Variants in SLC25A17 observed in about 807,000 individuals in gnomAD.
The protein encoded by SLC25A17 is peroxisomal membrane protein PMP34.
Under a neutral mutation model 38.5 loss-of-function variants are expected in SLC25A17, and 26 were observed. The observed-to-expected ratio is 0.68, with a 90% CI of 0.50 to 0.94. The LOEUF (loss-of-function observed/expected upper bound fraction) is 0.94. SLC25A17 is among the 40% of genes least tolerant of loss of function. SLC25A17 has a pLI of 0.00. For synonymous variants in SLC25A17, 139 were observed against 136.2 expected (o/e 1.02, Z -0.14); for missense variants, 333 against 372.7 (o/e 0.89, Z 0.88).
At chr22:40,788,995 T>C (rs1171786153) in intron 4 of SLC25A17, 2 of 325,678 alleles carry the variant, frequency 6.1e-6, no homozygotes, top group African/African-American at 4.5e-5. Flanking sequence ...TTTGAAGGTA[T>C]GCATGGTATG....
intron 4 of SLC25A17, among the ~76,000 whole-genome samples, chr22:40,783,949 C>T (rs2057315401): frequency 6.6e-6 from 1 of 152,176 alleles, no homozygotes; most frequent in Non-Finnish European, 1.5e-5. Flanking sequence ...CGGTAATCCA[C>T]CTGCCTCGGC....
At chr22:40,817,359 C>T (rs8137318) in intron 1 of SLC25A17, 8,700 of 152,410 alleles carry the variant, frequency 0.057, 313 homozygotes, top group Non-Finnish European at 0.089. Context: ...CTTATTTTCT[C>T]GGCCTCTTAA....
intron 1 of SLC25A17, among the ~76,000 whole-genome samples, chr22:40,801,420 T>C (rs2057483212): frequency 6.6e-6 from 1 of 152,012 alleles, no homozygotes; most frequent in South Asian, 2.1e-4. Flanking sequence ...TTCTGCTAAT[T>C]TGTGAGAGCA....
intron 4 of SLC25A17, among the ~76,000 whole-genome samples, chr22:40,790,657 A>G (rs2057377852): frequency 1.3e-5 from 2 of 152,212 alleles, no homozygotes; most frequent in African/African-American, 4.8e-5. Context: ...GGGGTGGTAT[A>G]TATCTGGTGG....
chr22:40,816,107 T>C (rs1177801450), intron 1 of SLC25A17, among the ~76,000 whole-genome samples: 1 of 151,482 alleles, frequency 6.6e-6, no homozygotes, highest in Non-Finnish European at 1.5e-5. Flanking sequence ...GAGAATCGCT[T>C]GAACCCAGGA....
chr22:40,775,852 T>A (rs186129411), intron 7 of SLC25A17, among the ~76,000 whole-genome samples: 1 of 152,206 alleles, frequency 6.6e-6, no homozygotes, highest in Non-Finnish European at 1.5e-5. Flanking sequence ...CCTTCCACCA[T>A]GATTGTAAGT....
chr22:40,793,065 A>G (rs1279873550), intron 3 of SLC25A17, among the ~76,000 whole-genome samples: 1 of 152,144 alleles, frequency 6.6e-6, no homozygotes, highest in African/African-American at 2.4e-5. Context: ...AAAAAAAAAA[A>G]GATGGGGGAA....
intron 1 of SLC25A17, among the ~76,000 whole-genome samples, chr22:40,815,020 C>T (rs982283663): frequency 6.6e-6 from 1 of 151,774 alleles, no homozygotes; most frequent in Non-Finnish European, 1.5e-5. Flanking sequence ...GGGGTTTCAC[C>T]GTGTTAGTCA....
chr22:40,790,515 T>C (rs1455935318), intron 4 of SLC25A17, among the ~76,000 whole-genome samples: 1 of 148,598 alleles, frequency 6.7e-6, no homozygotes, highest in African/African-American at 2.5e-5. Context: ...TTTAGACAAG[T>C]GGAAAAAAGT....
chr22:40,770,861 CA>C lies in SLC25A17; in HGVS notation c.896del (p.Met299ArgfsTer3), dbSNP rs746592520. The stretch of plus-strand genomic sequence containing the variant: ...AGTGTTGGTGTGCACGCTTCAGCCC[CA>C]TAACTGTGAAGGTGGCAGCTGTCAG... ...EKLTAATFTV[M>X]GLKRAHQH On this transcript the variant is annotated frameshift_variant, in exon 9 of 9. Transcript: ENST00000435456. LOFTEE classifies it high-confidence loss of function. 9.3e-6 allele frequency: 15 copies of C among 1,613,260 alleles called. No individual in the cohort carries two copies. Among genetic ancestry groups the C allele is most frequent in the Non-Finnish European group, 1.3e-5 (15 of 1,179,416 alleles).
chr22:40,818,766 T>C (rs1484954214), intron 1 of SLC25A17, among the ~76,000 whole-genome samples: 1 of 149,804 alleles, frequency 6.7e-6, no homozygotes, highest in African/African-American at 2.5e-5. Context: ...CCCAGAGCTA[T>C]CCTACTAGGT....
At chr22:40,797,145 T>C in intron 2 of SLC25A17, 1 of 424,460 alleles carries the variant, frequency 2.4e-6, no homozygotes, top group Admixed American at 2.8e-5. Flanking sequence ...GAGTGAGCAT[T>C]TTCACTGCAC....
At chr22:40,774,058 GT>G in intron 7 of SLC25A17, 39 bp from the exon 8 acceptor site, 1 of 1,332,488 alleles carries the variant, frequency 7.5e-7, no homozygotes, top group South Asian at 1.2e-5. Context: ...TACTGTTGCT[GT>G]TTTTTAAAAT....
rs556335773 is a variant in SLC25A17 at position 40,789,025 on chromosome 22, G to A, written c.334+3500C>T. 8.0e-4 allele frequency: 242 copies of A among 302,060 alleles called. No homozygotes were observed. The highest frequency in any genetic ancestry group is 4.8e-3 in the African/African-American group (212 of 44,210). 18.7% of individuals were successfully genotyped at this position (302,060 alleles called of 1,614,324 possible). ...GGTATGTGTTTCCATGGACTTCTTC[G>A]TATTCTCATAGTATGGGTTCCATCC... On this transcript the variant is annotated intron_variant, in intron 4 of 8. Coordinates refer to ENST00000435456, the MANE Select transcript of SLC25A17 (RefSeq NM_006358.4). The surrounding 1 kb of genome is among the most constrained non-coding windows in gnomAD (Gnocchi z 4.5).
chr22:40,793,409 G>A (rs2057400552), intron 3 of SLC25A17, among the ~76,000 whole-genome samples: 1 of 152,066 alleles, frequency 6.6e-6, no homozygotes, highest in Non-Finnish European at 1.5e-5. Context: ...AGTTGCAAGG[G>A]AAGAAAAAAG....
At chr22:40,814,793 T>TATATATA (rs1568991030) in intron 1 of SLC25A17, among the ~76,000 whole-genome samples, 7 of 134,432 alleles carry the variant, frequency 5.2e-5, no homozygotes, top group African/African-American at 2.0e-4. Context: ...ATATATATTG[T>TATATATA]TGTTGTTGTT....
At chr22:40,790,190 A>G (rs553408309) in intron 4 of SLC25A17, among the ~76,000 whole-genome samples, 9 of 151,708 alleles carry the variant, frequency 5.9e-5, no homozygotes, top group Non-Finnish European at 1.3e-4. Context: ...AAATATAAAA[A>G]ATTAGCTGGG....
chr22:40,787,435 TC>T (rs2057348343), intron 4 of SLC25A17, among the ~76,000 whole-genome samples: 1 of 152,168 alleles, frequency 6.6e-6, no homozygotes, highest in African/African-American at 2.4e-5. Context: ...AGCACAGGCA[TC>T]CTAGCGAGTA....
intron 1 of SLC25A17, among the ~76,000 whole-genome samples, chr22:40,800,789 CAA>C (rs150918938): frequency 1.6e-4 from 18 of 110,284 alleles, no homozygotes; most frequent in Non-Finnish European, 1.5e-4. Context: ...GAGTCTGCCT[CAA>C]AAAAAAAAAA....
Sources: gnomAD v4.1 joint callset for allele counts (sites outside exome capture counted in the v4.1 genomes callset) on GRCh38, gnomAD v4.1.1 for gene constraint, Gnocchi (gnomAD v3.1) non-coding constraint, MANE v1.5 for transcripts, NCBI Gene and HGNC (gene_info 2026-07-23, HGNC 2026-07-21) for gene names.